Variants in RNF114 observed in about 807,000 individuals in gnomAD.
RNF114 encodes the protein ring finger protein 114, also known as E3 ubiquitin-protein ligase RNF114.
Under a neutral mutation model 28.4 loss-of-function variants are expected in RNF114, and 6 were observed. The ratio of observed to expected loss-of-function variants is 0.21; its 90% CI spans 0.12 to 0.42. RNF114 has a LOEUF of 0.42. Ranked by LOEUF, RNF114 falls within the 10% of genes least tolerant of loss-of-function variation. The pLI, the probability that RNF114 is intolerant of heterozygous loss-of-function variation, is 1.00. For missense variants in RNF114, 249 were observed against 311.7 expected, an observed-to-expected ratio of 0.80 and a Z score of 1.51; for synonymous variants, 115 against 116.7, an observed-to-expected ratio of 0.99 and a Z score of 0.09.
chr20:49,947,191 G>T (rs1382241703), intron 4 of RNF114, among the ~76,000 whole-genome samples: 3 of 128,218 alleles, frequency 2.3e-5, no homozygotes, highest in Non-Finnish European at 4.6e-5. Context: ...CTGCACTCTA[G>T]TCTGGGCAGC....
At chr20:49,946,291 A>C in intron 4 of RNF114, 41 bp downstream of exon 4, 1 of 1,071,792 alleles carries the variant, frequency 9.3e-7, no homozygotes, top group African/African-American at 1.6e-5. Flanking sequence ...TCATTAAGGG[A>C]AAGGATCAAG....
Position 49,949,262 on chromosome 20 carries a change from T to C in RNF114, c.528T>C (p.Cys176=). The C allele has an allele frequency of 6.2e-7, 1 of 1,614,158 alleles. No individual in the cohort carries two copies. Among genetic ancestry groups the C allele is most frequent in the Non-Finnish European group, 8.5e-7 (1 of 1,179,988 alleles). ...TDTKSVVCPI[C]ASMPWGDPNY... The stretch of plus-strand genomic sequence containing the variant: ...TGTGTTGAAAGGTTTGTCCGATATG[T>C]GCCTCGATGCCCTGGGGAGACCCCA... Residue 176 remains cysteine, a synonymous_variant, in exon 5 of 6, where the codon TGT becomes TGC. Transcript: ENST00000244061.
chr20:49,936,531 T>C lies in RNF114; in HGVS notation c.119T>C (p.Val40Ala), dbSNP rs773986175. ...PVCLEVYEKP[V>A]QVPCGHVFCS... ...TGCTTAGAGGTGTACGAGAAGCCGGTACAGGTGCCCTGCGGACACGTGTAA... is the reference window on the plus strand; with the variant it reads ...TGCTTAGAGGTGTACGAGAAGCCGGCACAGGTGCCCTGCGGACACGTGTAA... Residue 40 changes from valine (V) to alanine (A), a missense_variant, in exon 1 of 6, where the codon GTA (valine) becomes GCA (alanine). Transcript: ENST00000244061. 8.2e-6 allele frequency: 13 copies of C among 1,589,098 alleles called. No homozygotes were observed. Among genetic ancestry groups the C allele is most frequent in the Non-Finnish European group, 1.1e-5 (13 of 1,168,954 alleles).
At chr20:49,947,556 C>T (rs1022918584) in intron 4 of RNF114, among the ~76,000 whole-genome samples, 5 of 152,120 alleles carry the variant, frequency 3.3e-5, no homozygotes, top group African/African-American at 1.2e-4. Context: ...TGTTTATAAG[C>T]TAAAGTCTTA....
chr20:49,944,882 C>T (rs1444888175), intron 2 of RNF114: 1 of 145,118 alleles, frequency 6.9e-6, no homozygotes, highest in African/African-American at 2.6e-5. Context: ...GAGACTCTGT[C>T]TCAAAAAAAA....
In RNF114 at chr20:49,946,267, T is replaced by A. The variant is rs770839644; in HGVS notation, c.513+17T>A. The A allele has an allele frequency of 7.1e-7, 1 of 1,407,604 alleles. No homozygotes were observed. The highest frequency in any genetic ancestry group is 9.8e-7 in the Non-Finnish European group (1 of 1,015,688). 87.2% of individuals were successfully genotyped at this position (1,407,604 alleles called of 1,614,324 possible). A position where few individuals can be genotyped will look rare whatever the true frequency, so the allele number is the denominator to read the frequency against. On this transcript the variant is annotated intron_variant, in intron 4 of 5. Transcript: ENST00000244061. ...AAATCTGTGGTGAGTAACCTTTTTT[T>A]TTTTTTTTAAACTTCATTAAGGGAA... is the stretch of plus-strand genomic sequence containing the variant.
intron 2 of RNF114, chr20:49,943,888 A>ATC (rs1249351321): frequency 4.2e-5 from 6 of 144,382 alleles, no homozygotes; most frequent in Non-Finnish European, 7.5e-5. Flanking sequence ...ATATATATAT[A>ATC]TATATATATA....
At chr20:49,946,322 T>G in intron 4 of RNF114, 72 bp downstream of exon 4, 1 of 779,090 alleles carries the variant, frequency 1.3e-6, no homozygotes, top group Non-Finnish European at 2.1e-6. Flanking sequence ...AATGACGGGA[T>G]TAGTAGAATG....
intron 5 of RNF114, among the ~76,000 whole-genome samples, chr20:49,950,342 T>C (rs1317360174): frequency 2.0e-5 from 3 of 152,066 alleles, no homozygotes; most frequent in Non-Finnish European, 4.4e-5. Flanking sequence ...AATTTTTGTC[T>C]ACTTTTCTTG....
intron 2 of RNF114, among the ~76,000 whole-genome samples, chr20:49,942,617 G>C (rs1260093543): frequency 1.3e-5 from 2 of 152,010 alleles, no homozygotes; most frequent in Admixed American, 1.3e-4. Context: ...GAGTCCAGGA[G>C]TTCTAGACCA....
chr20:49,945,697 G>A (rs757642779), intron 3 of RNF114, among the ~76,000 whole-genome samples: 4 of 152,084 alleles, frequency 2.6e-5, no homozygotes, highest in African/African-American at 4.8e-5. Context: ...ACAGAGTCTC[G>A]CTCTGTTGCC....
intron 2 of RNF114, among the ~76,000 whole-genome samples, chr20:49,942,958 C>A (rs2090313477): frequency 6.6e-6 from 1 of 151,910 alleles, no homozygotes; most frequent in Non-Finnish European, 1.5e-5. Context: ...TATATTTCTT[C>A]AACTTTTTTC....
chr20:49,945,629 G>T, intron 3 of RNF114, 141 bp downstream of exon 3: 1 of 599,742 alleles, frequency 1.7e-6, no homozygotes, highest in Non-Finnish European at 3.0e-6. Flanking sequence ...ATGCAAGGGA[G>T]GACTCTGGTG....
At chr20:49,948,429 AT>A (rs571295310) in intron 4 of RNF114, among the ~76,000 whole-genome samples, 419 of 135,964 alleles carry the variant, frequency 3.1e-3, no homozygotes, top group African/African-American at 2.8e-3. Context: ...CTGGAGCACA[AT>A]TTTTTTTTTT....
intron 1 of RNF114, chr20:49,940,982 G>A: frequency 6.6e-6 from 1 of 152,440 alleles, no homozygotes; most frequent in Non-Finnish European, 1.5e-5. Context: ...CTCGTGATCT[G>A]CCTGCCTTGG....
intron 5 of RNF114, among the ~76,000 whole-genome samples, chr20:49,950,889 C>T (rs2090352970): frequency 6.6e-6 from 1 of 152,078 alleles, no homozygotes; most frequent in African/African-American, 2.4e-5. Context: ...ACCCCCCATG[C>T]CCAAGCAGGA....
chr20:49,936,999 T>C (rs954381082), intron 1 of RNF114, among the ~76,000 whole-genome samples: 1 of 152,186 alleles, frequency 6.6e-6, no homozygotes, highest in Admixed American at 6.6e-5. Context: ...GGAGAAACGC[T>C]GAACTAGACT....
At position 49,949,255 on chromosome 20, in the gene RNF114, C is replaced by T. The variant is rs866758335; in HGVS notation, c.521C>T (p.Pro174Leu). The change falls in exon 5 of 6, where the codon CCG becomes CTG. Residue 174 changes from proline to leucine, a missense_variant. Transcript: ENST00000244061. ...HSTDTKSVVC[P>L]ICASMPWGDP... ...TTGCTTTTGTGTTGAAAGGTTTGTC[C>T]GATATGTGCCTCGATGCCCTGGGGA... 12 of 1,614,016 alleles carry T rather than the reference C, an allele frequency of 7.4e-6. No homozygotes were observed. The highest frequency in any genetic ancestry group is 1.3e-5 in the African/African-American group (1 of 75,054).
At chr20:49,949,619 C>T (rs1422182477) in intron 5 of RNF114, among the ~76,000 whole-genome samples, 1 of 152,156 alleles carries the variant, frequency 6.6e-6, no homozygotes, top group African/African-American at 2.4e-5. Context: ...AGTTTCTATT[C>T]ATGGGCCAGG....
Sources: allele counts gnomAD v4.1 joint callset (sites outside exome capture counted in the v4.1 genomes callset), GRCh38; gene constraint gnomAD v4.1.1; transcripts MANE v1.5; gene names NCBI Gene and HGNC (gene_info 2026-07-23, HGNC 2026-07-21).